RBFOX1: variants seen among roughly 807,000 people sequenced by gnomAD.
The protein encoded by RBFOX1 is RNA binding fox-1 homolog 1.
RBFOX1 carries 8 observed loss-of-function variants against 57.7 expected under a neutral mutation model. The ratio of observed to expected loss-of-function variants is 0.14; its 90% CI spans 0.08 to 0.25. The LOEUF (loss-of-function observed/expected upper bound fraction) is 0.25, where lower values mean the gene tolerates loss of function less well. Ranked by LOEUF, RBFOX1 falls within the 10% of genes least tolerant of loss-of-function variation. The probability of loss-of-function intolerance (pLI) is 1.00; values close to 1 mark genes in which losing one functional copy is unlikely to be tolerated. For missense variants in RBFOX1, 611 were observed against 548.5 expected (o/e 1.11, Z -1.14); for synonymous variants, 326 against 222.4 (o/e 1.47, Z -4.15).
intron 3 of RBFOX1, among the ~76,000 whole-genome samples, chr16:5,817,792 C>A (rs938413896): frequency 2.0e-5 from 3 of 151,082 alleles, no homozygotes; most frequent in Admixed American, 1.3e-4. Flanking sequence ...CTCCCGGGTT[C>A]GCGCCATTCT....
chr16:6,362,729 C>T (rs371204274), intron 2 of RBFOX1, among the ~76,000 whole-genome samples: 2 of 152,158 alleles, frequency 1.3e-5, no homozygotes, highest in African/African-American at 4.8e-5. Context: ...GTTATTGATG[C>T]CTGTGCAGTG....
intron 2 of RBFOX1, among the ~76,000 whole-genome samples, chr16:5,493,059 CT>C (rs2042886130): frequency 6.6e-6 from 1 of 152,180 alleles, no homozygotes; most frequent in South Asian, 2.1e-4. Flanking sequence ...TACATATTGT[CT>C]GTGACTTCTT....
At chr16:6,835,622 G>A (rs957941532) in intron 3 of RBFOX1, among the ~76,000 whole-genome samples, 2 of 151,764 alleles carry the variant, frequency 1.3e-5, no homozygotes, top group Non-Finnish European at 2.9e-5. Context: ...GCATGGTGGT[G>A]CACGACTGTA....
At chr16:5,516,284 C>G (rs1013218150) in intron 2 of RBFOX1, among the ~76,000 whole-genome samples, 2 of 152,112 alleles carry the variant, frequency 1.3e-5, no homozygotes, top group East Asian at 1.9e-4. Flanking sequence ...TCTTCCATCA[C>G]TTCCTGTCTC....
At chr16:5,514,207 C>T (rs1165147601) in intron 2 of RBFOX1, among the ~76,000 whole-genome samples, 3 of 152,264 alleles carry the variant, frequency 2.0e-5, no homozygotes, top group East Asian at 1.9e-4. Context: ...TTGACTAGCC[C>T]TCTCGTATGT....
At chr16:5,524,153 C>G (rs913065745) in intron 2 of RBFOX1, among the ~76,000 whole-genome samples, 2 of 152,168 alleles carry the variant, frequency 1.3e-5, no homozygotes, top group Admixed American at 6.5e-5. Context: ...TTAAAGAAAA[C>G]TAAATGTGAG....
At chr16:7,242,708 G>C (rs916016882) in intron 4 of RBFOX1, among the ~76,000 whole-genome samples, 15 of 152,192 alleles carry the variant, frequency 9.9e-5, no homozygotes, top group African/African-American at 3.1e-4. Context: ...CAGCCAGTTG[G>C]ACCAGGTTTC....
intron 4 of RBFOX1, among the ~76,000 whole-genome samples, chr16:7,429,193 G>T (rs147852110): frequency 2.0e-5 from 3 of 152,268 alleles, no homozygotes; most frequent in African/African-American, 7.2e-5. Flanking sequence ...AAGTGGAGGG[G>T]ACATCTACTG....
In RBFOX1 at chr16:6,692,995, TC is replaced by T. The variant is rs150332380; in HGVS notation, c.-16+38347del. Reference sequence around the variant, plus strand: ...GGCATCATTATCACCATCGTTCTCCTCCACTACCATCACAACCATCATCATC... The same window carrying T: ...GGCATCATTATCACCATCGTTCTCCTCACTACCATCACAACCATCATCATC... On this transcript the variant is annotated intron_variant, in intron 3 of 15. Coordinates refer to ENST00000550418, the MANE Select transcript of RBFOX1 (RefSeq NM_018723.4). Among the ~76,000 whole-genome samples, 596 of 150,104 alleles carry T rather than the reference TC, an allele frequency of 4.0e-3. 19 individuals carry two copies. The East Asian group carries it at 0.059, about 15-fold the overall frequency.
chr16:6,370,280 C>G (rs1244362323), intron 2 of RBFOX1, among the ~76,000 whole-genome samples: 1 of 135,996 alleles, frequency 7.4e-6, no homozygotes, highest in Non-Finnish European at 1.5e-5. Flanking sequence ...ATAGTGTGAA[C>G]TCAGGAGGCG....
intron 1 of RBFOX1, among the ~76,000 whole-genome samples, chr16:6,307,866 A>T (rs1485751455): frequency 6.8e-6 from 1 of 146,426 alleles, no homozygotes; most frequent in Non-Finnish European, 1.5e-5. Flanking sequence ...ATATTTCTAT[A>T]AATGATAATT....
At chr16:5,361,513 C>T (rs917071214) in intron 1 of RBFOX1, among the ~76,000 whole-genome samples, 3 of 152,120 alleles carry the variant, frequency 2.0e-5, no homozygotes, top group Non-Finnish European at 2.9e-5. Flanking sequence ...GCAAGATTAG[C>T]TGCATAATTT....
chr16:7,567,846 TATATATATCC>T (rs1047775439), intron 5 of RBFOX1, among the ~76,000 whole-genome samples: 114 of 145,416 alleles, frequency 7.8e-4, no homozygotes, highest in African/African-American at 2.8e-3. Context: ...TATATATACC[TATATATATCC>T]ATATATATAC....
chr16:6,676,147 CACACACACA>C (rs1169166840), intron 3 of RBFOX1, among the ~76,000 whole-genome samples: 1 of 22,684 alleles, frequency 4.4e-5, no homozygotes, highest in African/African-American at 3.1e-4. Context: ...CACGCGCACA[CACACACACA>C]CACACACACA....
chr16:7,492,521 C>G (rs541871828), intron 4 of RBFOX1, among the ~76,000 whole-genome samples: 2 of 152,224 alleles, frequency 1.3e-5, no homozygotes, highest in African/African-American at 4.8e-5. Context: ...CCACATGTAG[C>G]TACTTAAAAC....
At chr16:7,513,288 AATG>A (rs1280988437) in intron 4 of RBFOX1, among the ~76,000 whole-genome samples, 1 of 128,114 alleles carries the variant, frequency 7.8e-6, no homozygotes, top group Non-Finnish European at 1.6e-5. Flanking sequence ...AAAAATAATG[AATG>A]AATGAATGAA....
intron 1 of RBFOX1, among the ~76,000 whole-genome samples, chr16:6,228,750 ATAGT>A (rs1323655253): frequency 4.2e-4 from 64 of 152,260 alleles, no homozygotes; most frequent in African/African-American, 1.5e-3. Flanking sequence ...TGGAGAAATC[ATAGT>A]TAGTACCAAT....
intron 4 of RBFOX1, among the ~76,000 whole-genome samples, chr16:7,381,406 C>T (rs1441015042): frequency 1.3e-5 from 2 of 152,126 alleles, no homozygotes; most frequent in African/African-American, 4.8e-5. Context: ...AAACACATAC[C>T]TAATTCCTAC....
chr16:6,457,475 G>A (rs2094806352), intron 2 of RBFOX1, among the ~76,000 whole-genome samples: 1 of 147,818 alleles, frequency 6.8e-6, no homozygotes, highest in Non-Finnish European at 1.5e-5. Flanking sequence ...GACATGGAGA[G>A]AAGTGTGCCT....
Sources: allele counts gnomAD v4.1 joint callset (sites outside exome capture counted in the v4.1 genomes callset), GRCh38; gene constraint gnomAD v4.1.1; transcripts MANE v1.5; gene names NCBI Gene and HGNC (gene_info 2026-07-23, HGNC 2026-07-21).